Variants in APOBEC3G observed in about 807,000 individuals in gnomAD.
APOBEC3G encodes the protein apolipoprotein B mRNA editing enzyme catalytic subunit 3G.
A neutral mutation model predicts 50.0 loss-of-function variants in APOBEC3G; 44 were observed. The observed-to-expected ratio is 0.88, with a 90% CI of 0.69 to 1.13. The LOEUF is 1.13. Among genes scored for constraint, APOBEC3G ranks in the 50% most tolerant of loss-of-function variants. The pLI is 0.00. For missense variants in APOBEC3G, 469 were observed against 492.0 expected (o/e 0.95, Z 0.44); for synonymous variants, 156 against 175.3 (o/e 0.89, Z 0.87).
rs576774669 is a variant in APOBEC3G, at chr22:39,077,302, G to A, written c.-60G>A. On this transcript the variant is annotated 5_prime_UTR_variant, in exon 1 of 8. Coordinates refer to ENST00000407997, the MANE Select transcript of APOBEC3G (RefSeq NM_021822.4). ...GCTGTCCTAAAACCAGAAGCTTGGA[G>A]CAGAAAGTGAAACCCTGGTGCTCCA... The A allele has an allele frequency of 1.3e-6, 2 of 1,555,182 alleles. No individual in the cohort carries two copies. Among genetic ancestry groups the A allele is most frequent in the East Asian group, 2.4e-5 (1 of 41,606 alleles).
Position 39,086,287 on chromosome 22 carries a change from TAA to T in APOBEC3G, c.746_747del (p.Lys249ThrfsTer5), listed in dbSNP as rs1928685860. On this transcript the variant is annotated frameshift_variant, in exon 6 of 8. Coordinates refer to ENST00000407997, the MANE Select transcript of APOBEC3G (RefSeq NM_021822.4). LOFTEE classifies it high-confidence loss of function. Reference sequence around the variant, plus strand: ...CTTGCTTTCTTTTCTAGGCTCCACATAAACACGGTTTCCTTGAAGGCCGCCAT... The same window carrying T: ...CTTGCTTTCTTTTCTAGGCTCCACATACACGGTTTCCTTGAAGGCCGCCAT... ...RGFLCNQAPH[K>X]HGFLEGRHAE... 6.3e-7 allele frequency: 1 copy of T among 1,580,552 alleles called. No homozygotes were observed. The highest frequency in any genetic ancestry group is 8.6e-7 in the Non-Finnish European group (1 of 1,162,990).
At chr22:39,079,292 T>C (rs1928322500) in intron 2 of APOBEC3G, 2 of 627,010 alleles carry the variant, frequency 3.2e-6, no homozygotes, top group African/African-American at 1.9e-5. Flanking sequence ...AAAGGCCTTG[T>C]GTTTCCGTTT....
intron 5 of APOBEC3G, among the ~76,000 whole-genome samples, chr22:39,085,152 G>A (rs986571789): frequency 1.3e-5 from 2 of 152,140 alleles, no homozygotes; most frequent in Non-Finnish European, 2.9e-5. Flanking sequence ...GTCGAAATTT[G>A]GACAAAACAC....
chr22:39,081,873 C>G (rs1357684774), intron 4 of APOBEC3G: 1 of 373,690 alleles, frequency 2.7e-6, no homozygotes, highest in Non-Finnish European at 4.9e-6. Flanking sequence ...CCAACCTGGC[C>G]CCTTCCATCT....
intron 2 of APOBEC3G, chr22:39,079,368 A>G: frequency 5.7e-6 from 2 of 348,096 alleles, no homozygotes; most frequent in Middle Eastern, 8.2e-4. Context: ...CTCAGGCTGG[A>G]GTGCAATGAC....
At chr22:39,078,802 G>A (rs983572979) in intron 1 of APOBEC3G, 130 bp from the exon 2 acceptor site, 58 of 1,361,264 alleles carry the variant, frequency 4.3e-5, no homozygotes, top group South Asian at 3.9e-4. Context: ...AGTCTCCGCC[G>A]AAATTCTCAG....
chr22:39,087,683 G>T lies in APOBEC3G; in HGVS notation c.*262G>T, dbSNP rs1001807433. On this transcript the variant is annotated 3_prime_UTR_variant, in exon 8 of 8. Coordinates refer to ENST00000407997, the MANE Select transcript of APOBEC3G (RefSeq NM_021822.4). ...GAAAAGTTTCAAACCTACTAATCCA[G>T]CGACAATTTGAATCGGTTTTGTAGG... 2.9e-5 allele frequency: 17 copies of T among 587,392 alleles called. No homozygotes were observed. The highest frequency in any genetic ancestry group is 2.6e-4 in the African/African-American group (14 of 53,470). 36.4% of individuals were successfully genotyped at this position (587,392 alleles called of 1,614,324 possible).
intron 2 of APOBEC3G, 153 bp from the exon 3 acceptor site, chr22:39,080,776 GCAGA>G (rs1248312282): frequency 1.5e-6 from 1 of 684,188 alleles, no homozygotes; most frequent in East Asian, 2.7e-5. Context: ...GAGCTTTGGA[GCAGA>G]CAAACACTCA....
At chr22:39,081,706 G>GC (rs17537548) in intron 4 of APOBEC3G, 121 bp downstream of exon 4, 46,227 of 749,344 alleles carry the variant, frequency 0.062, 1,873 homozygotes, top group African/African-American at 0.14. Flanking sequence ...CTTCCCTCCT[G>GC]CCCCCTGCCT....
In APOBEC3G at chr22:39,087,127, G is replaced by T. The variant is rs773429303; in HGVS notation, c.1140+1G>T. The T allele has an allele frequency of 1.9e-6, 3 of 1,613,880 alleles. No individual in the cohort carries two copies. Among genetic ancestry groups the T allele is most frequent in the South Asian group, 1.1e-5 (1 of 91,066 alleles). On this transcript the variant is annotated splice_donor_variant, in intron 7 of 7. Coordinates refer to ENST00000407997, the MANE Select transcript of APOBEC3G (RefSeq NM_021822.4). LOFTEE classifies it high-confidence loss of function. Reference sequence around the variant, plus strand: ...TGGGAGGCTGCGGGCCATTCTCCAGGTGAGGGCTTCTTCCCTCTGCCCAGT... The same window carrying T: ...TGGGAGGCTGCGGGCCATTCTCCAGTTGAGGGCTTCTTCCCTCTGCCCAGT...
intron 5 of APOBEC3G, among the ~76,000 whole-genome samples, chr22:39,084,529 A>G (rs1601524032): frequency 3.8e-5 from 1 of 26,368 alleles, no homozygotes; most frequent in African/African-American, 1.2e-4. Flanking sequence ...CCGTCTCAAG[A>G]AAAAAAAAAA....
At chr22:39,086,678 T>C in intron 6 of APOBEC3G, 111 bp downstream of exon 6, 1 of 1,426,158 alleles carries the variant, frequency 7.0e-7, no homozygotes, top group East Asian at 2.3e-5. Flanking sequence ...GCCTTGATCC[T>C]CTGCCTGCAG....
At chr22:39,079,770 C>T (rs374654428) in intron 2 of APOBEC3G, 2 of 151,824 alleles carry the variant, frequency 1.3e-5, no homozygotes, top group African/African-American at 4.8e-5. Flanking sequence ...GTGGGTGGCT[C>T]GCACCTCTAA....
rs1173196905 is a variant in APOBEC3G at position 39,077,500 on chromosome 22, A to G, written c.17+122A>G. On this transcript the variant is annotated intron_variant, in intron 1 of 7. Coordinates refer to ENST00000407997, the MANE Select transcript of APOBEC3G (RefSeq NM_021822.4). ...CCAGCCCTGGGCTCCCTCCCCTCTG[A>G]CTCCCCTGCACCCCCTACTCCCAGC... is the stretch of plus-strand genomic sequence containing the variant. The G allele has an allele frequency of 1.8e-5, 27 of 1,497,454 alleles. No homozygotes were observed. In the South Asian group the frequency reaches 2.4e-4, roughly 13 times the overall value. 92.8% of individuals were successfully genotyped at this position (1,497,454 alleles called of 1,614,324 possible).
At position 39,086,435 on chromosome 22, in the gene APOBEC3G, T is replaced by C; in HGVS notation, c.892T>C (p.Phe298Leu). ...CFSCAQEMAKFISKNKHVSLC... is the reference protein window; with the variant it reads ...CFSCAQEMAKLISKNKHVSLC... ...CAGCTGTGCCCAGGAAATGGCTAAA[T>C]TCATTTCAAAAAACAAACACGTGAG... is the stretch of plus-strand genomic sequence containing the variant. The change falls in exon 6 of 8, where the codon TTC becomes CTC. Residue 298 changes from phenylalanine (F) to leucine (L), a missense_variant. Coordinates refer to ENST00000407997, the MANE Select transcript of APOBEC3G (RefSeq NM_021822.4). The C allele has an allele frequency of 6.2e-7, 1 of 1,614,172 alleles. No individual in the cohort carries two copies. Among genetic ancestry groups the C allele is most frequent in the South Asian group, 1.1e-5 (1 of 91,078 alleles).
chr22:39,085,717 T>C (rs1426915871), intron 5 of APOBEC3G, among the ~76,000 whole-genome samples: 1 of 151,580 alleles, frequency 6.6e-6, no homozygotes, highest in Non-Finnish European at 1.5e-5. Context: ...TGAAACCCCG[T>C]CTCTACTGAA....
chr22:39,079,030 T>G lies in APOBEC3G; in HGVS notation c.116T>G (p.Val39Gly), dbSNP rs757916797. 7 of 1,614,210 alleles carry G rather than the reference T, an allele frequency of 4.3e-6. No individual in the cohort carries two copies. The highest frequency in any genetic ancestry group is 5.9e-6 in the Non-Finnish European group (7 of 1,180,024). ...RRNTVWLCYE[V>G]KTKGPSRPPL... The stretch of plus-strand genomic sequence containing the variant: ...AATACCGTCTGGCTGTGCTACGAAG[T>G]GAAAACAAAGGGTCCCTCAAGGCCC... Residue 39 changes from valine (V) to glycine (G), a missense_variant, in exon 2 of 8, where the codon GTG (valine) becomes GGG (glycine). By Grantham distance (109) the Val-to-Gly change is moderately radical. Transcript: ENST00000407997.
rs753577568 is a variant in APOBEC3G, at chr22:39,086,276, T to C, written c.736-3T>C. On this transcript the variant is annotated splice_polypyrimidine_tract_variant and splice_region_variant and intron_variant, in intron 5 of 7. Coordinates refer to ENST00000407997, the MANE Select transcript of APOBEC3G (RefSeq NM_021822.4). The stretch of plus-strand genomic sequence containing the variant: ...TTACCTCATGGCTTGCTTTCTTTTC[T>C]AGGCTCCACATAAACACGGTTTCCT... 2 of 1,562,452 alleles carry C rather than the reference T, an allele frequency of 1.3e-6. No homozygotes were observed. The highest frequency in any genetic ancestry group is 1.7e-6 in the Non-Finnish European group (2 of 1,155,780).
intron 1 of APOBEC3G, 76 bp from the exon 2 acceptor site, chr22:39,078,856 G>A: frequency 1.3e-6 from 2 of 1,579,508 alleles, no homozygotes; most frequent in Non-Finnish European, 1.7e-6. Context: ...CCAGGGGGCT[G>A]TGTTTAGTGG....
Sources: gnomAD v4.1 joint callset for allele counts (sites outside exome capture counted in the v4.1 genomes callset) on GRCh38, gnomAD v4.1.1 for gene constraint, MANE v1.5 for transcripts, NCBI Gene and HGNC (gene_info 2026-07-23, HGNC 2026-07-21) for gene names.